The following ZNF670 variants were observed in gnomAD, a reference collection of about 807,000 sequenced individuals.
ZNF670 encodes zinc finger protein 670.
A neutral mutation model predicts 10.9 loss-of-function variants in ZNF670; 7 were observed. The ratio of observed to expected loss-of-function variants is 0.64; its 90% CI spans 0.36 to 1.20. The LOEUF is 1.20. Ranked by LOEUF, ZNF670 falls within the 50% of genes most tolerant of loss-of-function variation. The probability of loss-of-function intolerance (pLI) is 0.02; values close to 1 mark genes in which losing one functional copy is unlikely to be tolerated. For missense variants in ZNF670, 446 were observed against 458.6 expected, an observed-to-expected ratio of 0.97 and a Z score of 0.25; for synonymous variants, 136 against 152.7, an observed-to-expected ratio of 0.89 and a Z score of 0.81.
chr1:247,036,465 C>A lies in ZNF670; in HGVS notation c.*984G>T, dbSNP rs576881595. 1.3e-5 allele frequency among the ~76,000 whole-genome samples: 2 copies of A among 152,218 alleles called. No homozygotes were observed. Among genetic ancestry groups the A allele is most frequent in the African/African-American group, 4.8e-5 (2 of 41,532 alleles). On this transcript the variant is annotated 3_prime_UTR_variant, in exon 4 of 4. Coordinates refer to ENST00000366503, the MANE Select transcript of ZNF670 (RefSeq NM_033213.5). ...GCCAGGAATTCAATACCAGCCTAGA[C>A]AATACAGCGAGATCCCATCTCTATA...
intron 1 of ZNF670, chr1:247,043,464 A>G: frequency 1.6e-6 from 1 of 639,012 alleles, no homozygotes; most frequent in South Asian, 1.5e-5. Flanking sequence ...TTTGAAGAAT[A>G]TGCCTTGGTT....
chr1:247,051,037 G>A (rs1204754705), intron 1 of ZNF670, among the ~76,000 whole-genome samples: 5 of 151,414 alleles, frequency 3.3e-5, no homozygotes, highest in Non-Finnish European at 5.9e-5. Context: ...GGCCAGGTGC[G>A]GTGGCTCACA....
At position 247,071,861 on chromosome 1, in the gene ZNF670, C is replaced by CT. The variant is rs1230431011; in HGVS notation, c.3+6732dup. Among the ~76,000 whole-genome samples the CT allele has an allele frequency of 7.9e-3, 1,103 of 138,958 alleles. 11 individuals carry two copies. Among genetic ancestry groups the CT allele is most frequent in the African/African-American group, 0.024 (927 of 38,092 alleles). 91.2% of individuals were successfully genotyped at this position (138,958 alleles called of 152,430 possible). ...CCTTTCACAGTTTTATTCTTTCTTT[C>CT]TTTTTTTTTTTTTTTAGATGGAGTC... is the stretch of plus-strand genomic sequence containing the variant. On this transcript the variant is annotated intron_variant, in intron 1 of 3. Coordinates refer to ENST00000366503, the MANE Select transcript of ZNF670 (RefSeq NM_033213.5).
chr1:247,068,553 T>C (rs1463060372), intron 1 of ZNF670, among the ~76,000 whole-genome samples: 1 of 150,464 alleles, frequency 6.6e-6, no homozygotes, highest in African/African-American at 2.5e-5. Context: ...CCTTGTACAC[T>C]GTTGGTGGGA....
Position 247,038,324 on chromosome 1 carries a change from C to G in ZNF670, c.295G>C (p.Gly99Arg). ...ACACTGCATTCACATGGCTTTACTCCAGTAGAAACTTTCTTATTCAGATTC... is the reference window on the plus strand; with the variant it reads ...ACACTGCATTCACATGGCTTTACTCGAGTAGAAACTTTCTTATTCAGATTC... ...NLNLNKKVSTGVKPCECSVCG... is the reference protein window; with the variant it reads ...NLNLNKKVSTRVKPCECSVCG... Residue 99 changes from glycine (G) to arginine (R), a missense_variant, in exon 4 of 4, where the codon GGA becomes CGA. Gly to Arg is a moderately radical substitution (Grantham distance 125, BLOSUM62 -2). Transcript: ENST00000366503. 1.2e-6 allele frequency: 2 copies of G among 1,614,192 alleles called. No individual in the cohort carries two copies. Among genetic ancestry groups the G allele is most frequent in the Non-Finnish European group, 1.7e-6 (2 of 1,180,020 alleles).
At chr1:247,041,838 C>T (rs1333765342) in intron 1 of ZNF670, among the ~76,000 whole-genome samples, 2 of 152,176 alleles carry the variant, frequency 1.3e-5, no homozygotes, top group Admixed American at 6.5e-5. Flanking sequence ...ACCAATAAAC[C>T]TTTTTGTTTT....
intron 1 of ZNF670, among the ~76,000 whole-genome samples, chr1:247,072,613 C>T (rs1376642753): frequency 6.6e-6 from 1 of 151,078 alleles, no homozygotes; most frequent in African/African-American, 2.4e-5. Flanking sequence ...GGCAAAACCT[C>T]GTCTCTACTA....
Position 247,053,622 on chromosome 1 carries a change from C to T in ZNF670, c.4-14085G>A, listed in dbSNP as rs185257852. On this transcript the variant is annotated intron_variant, in intron 1 of 3. Transcript: ENST00000366503. The stretch of plus-strand genomic sequence containing the variant: ...CTGCACTCCAGCCTGGGCAACACAG[C>T]GAGACTCCGTCTCAAAAAACAAAAA... Among the ~76,000 whole-genome samples the T allele has an allele frequency of 2.5e-3, 383 of 152,184 alleles. 3 individuals carry two copies. The highest frequency in any genetic ancestry group is 8.9e-3 in the African/African-American group (369 of 41,490).
intron 1 of ZNF670, among the ~76,000 whole-genome samples, chr1:247,067,435 CAAAA>C (rs61363241): frequency 1.3e-5 from 1 of 77,230 alleles, no homozygotes. Flanking sequence ...GATCCCGTCT[CAAAA>C]AAAAAAAAAA....
At chr1:247,077,100 TA>T (rs1407159581) in intron 1 of ZNF670, among the ~76,000 whole-genome samples, 2 of 152,256 alleles carry the variant, frequency 1.3e-5, no homozygotes, top group African/African-American at 4.8e-5. Context: ...GAATCATTTC[TA>T]GATTTTTCCC....
intron 1 of ZNF670, among the ~76,000 whole-genome samples, chr1:247,045,680 A>G (rs1670426348): frequency 6.6e-6 from 1 of 152,172 alleles, no homozygotes; most frequent in Non-Finnish European, 1.5e-5. Context: ...TAAAATTGGC[A>G]CTGAGGAGTG....
chr1:247,039,357 A>C, intron 2 of ZNF670, 54 bp downstream of exon 2: 1 of 1,581,500 alleles, frequency 6.3e-7, no homozygotes, highest in Non-Finnish European at 8.6e-7. Flanking sequence ...CACCACGCCC[A>C]GCCAAAACAC....
chr1:247,043,171 G>A, intron 1 of ZNF670: 1 of 784,216 alleles, frequency 1.3e-6, no homozygotes, highest in South Asian at 1.4e-5. Context: ...GCAGATACAT[G>A]TTCTACGTGC....
intron 1 of ZNF670, among the ~76,000 whole-genome samples, chr1:247,042,270 AC>A (rs1273975080): frequency 3.3e-5 from 5 of 152,246 alleles, no homozygotes; most frequent in African/African-American, 9.6e-5. Flanking sequence ...TAAAGTACAC[AC>A]CAGATACCAG....
intron 1 of ZNF670, among the ~76,000 whole-genome samples, chr1:247,044,263 CA>C (rs1670387566): frequency 6.6e-6 from 1 of 151,760 alleles, no homozygotes. Context: ...AAAAAAACCC[CA>C]AAAAACAAAG....
intron 1 of ZNF670, among the ~76,000 whole-genome samples, chr1:247,041,653 G>A (rs147587646): frequency 3.1e-4 from 47 of 152,194 alleles, no homozygotes; most frequent in African/African-American, 4.3e-4. Context: ...GAGAATTTAC[G>A]GTGCATTTGC....
At chr1:247,062,366 T>G (rs6685921) in intron 1 of ZNF670, among the ~76,000 whole-genome samples, 85,043 of 152,036 alleles carry the variant, frequency 0.56, 25,865 homozygotes, top group African/African-American at 0.79. Context: ...AGGTAAACAG[T>G]AATTGTTAAC....
chr1:247,068,087 G>A (rs1366077566), intron 1 of ZNF670, among the ~76,000 whole-genome samples: 2 of 150,548 alleles, frequency 1.3e-5, no homozygotes, highest in Admixed American at 1.3e-4. Context: ...GAGAGGCCGA[G>A]GCAGTAGATC....
At chr1:247,075,166 T>C (rs371072504) in intron 1 of ZNF670, among the ~76,000 whole-genome samples, 1 of 152,254 alleles carries the variant, frequency 6.6e-6, no homozygotes, top group African/African-American at 2.4e-5. Context: ...ATATAATAAA[T>C]ATGTCATTTA....
Sources: allele counts gnomAD v4.1 joint callset (sites outside exome capture counted in the v4.1 genomes callset), GRCh38; gene constraint gnomAD v4.1.1; transcripts MANE v1.5; gene names NCBI Gene and HGNC (gene_info 2026-07-23, HGNC 2026-07-21).